Variants in NCKAP5 observed in about 807,000 individuals in gnomAD.
NCKAP5 encodes the protein nck-associated protein 5.
A neutral mutation model predicts 167.0 loss-of-function variants in NCKAP5; 92 were observed. The observed-to-expected ratio is 0.55, with a 90% confidence interval of 0.47 to 0.66. The LOEUF (loss-of-function observed/expected upper bound fraction) is 0.66, where lower values mean the gene tolerates loss of function less well. Among genes scored for constraint, NCKAP5 ranks in the 30% least tolerant of loss-of-function variants. The pLI is 0.00. For synonymous variants in NCKAP5, 891 were observed against 877.4 expected, an observed-to-expected ratio of 1.02 and a Z score of -0.27; for missense variants, 2,378 against 2,315.0, an observed-to-expected ratio of 1.03 and a Z score of -0.56.
intron 7 of NCKAP5, among the ~76,000 whole-genome samples, chr2:132,991,740 T>C (rs901383260): frequency 6.6e-6 from 1 of 152,170 alleles, no homozygotes; most frequent in African/African-American, 2.4e-5. Flanking sequence ...CTCTGGCTCC[T>C]TTCAGAGAAA....
At chr2:132,850,464 G>A (rs931125701) in intron 11 of NCKAP5, among the ~76,000 whole-genome samples, 16 of 152,004 alleles carry the variant, frequency 1.1e-4, no homozygotes, top group African/African-American at 3.6e-4. Flanking sequence ...CTAAGAAGAA[G>A]CCGCAGCCTC....
intron 4 of NCKAP5, among the ~76,000 whole-genome samples, chr2:133,237,608 A>G (rs986254875): frequency 2.6e-5 from 4 of 152,228 alleles, no homozygotes; most frequent in Admixed American, 6.5e-5. Context: ...CTCACAGTCT[A>G]GTAGGTGAGA....
At chr2:133,323,792 T>G (rs969351758) in intron 3 of NCKAP5, among the ~76,000 whole-genome samples, 1 of 152,226 alleles carries the variant, frequency 6.6e-6, no homozygotes, top group African/African-American at 2.4e-5. Flanking sequence ...AAATCACATT[T>G]GTAAAGGCTG....
At chr2:133,233,221 G>A (rs1222152801) in intron 4 of NCKAP5, among the ~76,000 whole-genome samples, 1 of 152,118 alleles carries the variant, frequency 6.6e-6, no homozygotes, top group Non-Finnish European at 1.5e-5. Context: ...GACCTATTAC[G>A]TATAGGTCAA....
chr2:133,201,218 C>T (rs559509427), intron 5 of NCKAP5, among the ~76,000 whole-genome samples: 2 of 152,266 alleles, frequency 1.3e-5, no homozygotes, highest in African/African-American at 4.8e-5. Context: ...TGACTCACAT[C>T]GTCAGACAGC....
At chr2:132,859,595 C>T (rs1208072458) in intron 11 of NCKAP5, among the ~76,000 whole-genome samples, 1 of 152,132 alleles carries the variant, frequency 6.6e-6, no homozygotes, top group African/African-American at 2.4e-5. Flanking sequence ...TAGTGCTGGA[C>T]AGTATCATCC....
intron 3 of NCKAP5, among the ~76,000 whole-genome samples, chr2:133,315,746 T>C (rs913463359): frequency 2.6e-5 from 4 of 152,056 alleles, no homozygotes; most frequent in African/African-American, 9.7e-5. Context: ...GGCCCCCAAA[T>C]TGGCCACCAA....
chr2:132,925,355 C>T (rs898224518), intron 8 of NCKAP5, among the ~76,000 whole-genome samples: 2 of 151,572 alleles, frequency 1.3e-5, no homozygotes, highest in African/African-American at 4.9e-5. Flanking sequence ...CAGATCAAGA[C>T]CATCCTGGTT....
chr2:133,072,584 A>G (rs2080454248), intron 6 of NCKAP5, among the ~76,000 whole-genome samples: 1 of 152,140 alleles, frequency 6.6e-6, no homozygotes, highest in African/African-American at 2.4e-5. Context: ...AAGAGTCCCA[A>G]CTGTTATTTT....
In NCKAP5 at chr2:133,384,536, C is replaced by T. The variant is rs201153417; in HGVS notation, c.70-81426G>A. ...CTGGCTTAGGACTGACTTGGCAATG[C>T]GGGCTCTTTTTTGGTTCCATGTGAA... is the stretch of plus-strand genomic sequence containing the variant. On this transcript the variant is annotated intron_variant, in intron 3 of 19. Transcript: ENST00000409261. 1.6e-4 allele frequency among the ~76,000 whole-genome samples: 24 copies of T among 152,230 alleles called. 1 individual carries two copies. The highest frequency in any genetic ancestry group is 9.8e-4 in the Admixed American group (15 of 15,272).
At chr2:132,781,868 G>A in intron 14 of NCKAP5, 72 bp downstream of exon 14, 2 of 1,441,366 alleles carry the variant, frequency 1.4e-6, no homozygotes, top group East Asian at 2.3e-5. Flanking sequence ...TTAATGCACA[G>A]GAAGCAAACA....
intron 3 of NCKAP5, among the ~76,000 whole-genome samples, chr2:133,500,684 G>C (rs1056448249): frequency 6.6e-6 from 1 of 152,128 alleles, no homozygotes; most frequent in African/African-American, 2.4e-5. Context: ...TGACACACTT[G>C]AAAGAAATTT....
chr2:132,762,514 G>A (rs1384374087), intron 16 of NCKAP5, among the ~76,000 whole-genome samples: 1 of 152,102 alleles, frequency 6.6e-6, no homozygotes, highest in Admixed American at 6.5e-5. Context: ...AGAGCAATAG[G>A]CCTTGGAAAT....
At chr2:133,588,274 CCTCCCTCT>C in the NCKAP5 span, among the ~76,000 whole-genome samples, 5 of 121,206 alleles carry the variant, frequency 4.1e-5, no homozygotes, top group African/African-American at 1.4e-4. Context: ...TCCCTCCCTC[CCTCCCTCT>C]CTCCCTACCT....
At chr2:132,842,268 T>C (rs1454048533) in intron 11 of NCKAP5, among the ~76,000 whole-genome samples, 2 of 152,162 alleles carry the variant, frequency 1.3e-5, no homozygotes, top group Admixed American at 6.5e-5. Flanking sequence ...CTGACATCTA[T>C]GGCTATGATT....
At chr2:133,592,804 G>C in the NCKAP5 span, among the ~76,000 whole-genome samples, 1 of 152,026 alleles carries the variant, frequency 6.6e-6, no homozygotes, top group Admixed American at 6.6e-5. Flanking sequence ...TGATGAAAAG[G>C]GTTTTCATTT....
At chr2:132,927,058 A>G (rs1695957557) in intron 8 of NCKAP5, among the ~76,000 whole-genome samples, 1 of 152,278 alleles carries the variant, frequency 6.6e-6, no homozygotes, top group East Asian at 1.9e-4. Flanking sequence ...ATGTGGTGAG[A>G]GACAGGGGTC....
At chr2:132,977,215 A>G (rs1349679490) in intron 7 of NCKAP5, among the ~76,000 whole-genome samples, 2 of 152,232 alleles carry the variant, frequency 1.3e-5, no homozygotes, top group Non-Finnish European at 2.9e-5. Flanking sequence ...GCTGGTGAAT[A>G]TGCTGATGCT....
In NCKAP5 at chr2:133,527,709, A is replaced by T. The variant is rs368495366; in HGVS notation, c.-61-10122T>A. Reference sequence around the variant, plus strand: ...GATGTTTATCTTTTTCTACTCAATGATTTAATTAAATTGAGACTGATATTC... The same window carrying T: ...GATGTTTATCTTTTTCTACTCAATGTTTTAATTAAATTGAGACTGATATTC... On this transcript the variant is annotated intron_variant, in intron 2 of 19. Coordinates refer to ENST00000409261, the MANE Select transcript of NCKAP5 (RefSeq NM_207363.3). 9.8e-4 allele frequency among the ~76,000 whole-genome samples: 149 copies of T among 152,258 alleles called. 2 individuals are homozygous for T. Among genetic ancestry groups the T allele is most frequent in the African/African-American group, 3.4e-3 (142 of 41,544 alleles).
Sources: gnomAD v4.1 joint callset for allele counts (sites outside exome capture counted in the v4.1 genomes callset) on GRCh38, gnomAD v4.1.1 for gene constraint, MANE v1.5 for transcripts, NCBI Gene and HGNC (gene_info 2026-07-23, HGNC 2026-07-21) for gene names.